The following PDE6B variants were observed in gnomAD, a reference collection of about 807,000 sequenced individuals.
PDE6B encodes phosphodiesterase 6B.
A neutral mutation model predicts 109.0 loss-of-function variants in PDE6B; 106 were observed. The observed-to-expected ratio is 0.97, with a 90% CI of 0.83 to 1.14. The LOEUF is 1.14. PDE6B is among the 50% of genes most tolerant of loss of function. The pLI is 0.00. For synonymous variants in PDE6B, 490 were observed against 471.3 expected, an observed-to-expected ratio of 1.04 and a Z score of -0.51; for missense variants, 1,193 against 1,155.6, an observed-to-expected ratio of 1.03 and a Z score of -0.47.
intron 2 of PDE6B, among the ~76,000 whole-genome samples, chr4:635,240 TGCCTGCCC>T (rs1287488504): frequency 2.8e-5 from 4 of 143,092 alleles, no homozygotes; most frequent in African/African-American, 7.8e-5. Context: ...CCTCCTTACC[TGCCTGCCC>T]GCCTGCCTGC....
intron 3 of PDE6B, among the ~76,000 whole-genome samples, chr4:647,929 G>T (rs1368296736): frequency 6.6e-6 from 1 of 151,890 alleles, no homozygotes; most frequent in Non-Finnish European, 1.5e-5. Context: ...CAAAAAATTA[G>T]CTGGGCGTGG....
chr4:645,530 C>T (rs979943201), intron 3 of PDE6B, among the ~76,000 whole-genome samples: 8 of 151,576 alleles, frequency 5.3e-5, no homozygotes, highest in African/African-American at 9.7e-5. Flanking sequence ...CTCCTGACCT[C>T]GTGATCCGCC....
In PDE6B at chr4:653,343, G is replaced by A. The variant is rs117156341; in HGVS notation, c.712-509G>A. The A allele has an allele frequency of 4.2e-4, 450 of 1,083,254 alleles. 5 individuals carry two copies. The East Asian group carries it at 0.023, about 56-fold the overall frequency. 67.1% of individuals were successfully genotyped at this position (1,083,254 alleles called of 1,614,324 possible). A position where few individuals can be genotyped will look rare whatever the true frequency, so the allele number is the denominator to read the frequency against. ...GGGTGAGTCTGAGCCTGGTGGCAGC[G>A]CTGACCCAGCAACCAGGGGCCTGTG... On this transcript the variant is annotated intron_variant, in intron 3 of 21. Transcript: ENST00000496514.
rs755308738 is a variant in PDE6B, at chr4:658,990, C to A, written c.1440C>A (p.Cys480Ter). 6.2e-7 allele frequency: 1 copy of A among 1,613,266 alleles called. No homozygotes were observed. Among genetic ancestry groups the A allele is most frequent in the East Asian group, 2.2e-5 (1 of 44,888 alleles). Residue 480 changes from cysteine to a stop codon, truncating the protein, a stop_gained, in exon 11 of 22, where the codon TGC becomes TGA. Transcript: ENST00000496514. LOFTEE classifies it high-confidence loss of function. ...GCCTGGGGAAGGAGCCTGCTGACTG[C>A]GATGAGGACGAGCTGGGCGAAATCC... ...RARLGKEPAD[C>*]DEDELGEILK...
chr4:656,526 CT>C (rs1736271957), intron 8 of PDE6B, among the ~76,000 whole-genome samples: 1 of 151,648 alleles, frequency 6.6e-6, no homozygotes, highest in South Asian at 2.1e-4. Flanking sequence ...CCACACACCC[CT>C]GCGAGGCCGT....
At chr4:660,152 C>G (rs1205505176) in intron 11 of PDE6B, among the ~76,000 whole-genome samples, 2 of 152,028 alleles carry the variant, frequency 1.3e-5, no homozygotes, top group African/African-American at 2.4e-5. Flanking sequence ...TCACGTGTGT[C>G]TGTATCCGTG....
At chr4:650,659 A>ACAGGGAGGGGGGCCGG (rs1735460057) in intron 3 of PDE6B, among the ~76,000 whole-genome samples, 1 of 152,084 alleles carries the variant, frequency 6.6e-6, no homozygotes, top group Admixed American at 6.5e-5. Flanking sequence ...ACACCCACAC[A>ACAGGGAGGGGGGCCGG]CAGGGAGGGG....
intron 6 of PDE6B, chr4:655,116 T>C (rs1736063765): frequency 1.7e-6 from 1 of 586,072 alleles, no homozygotes; most frequent in Non-Finnish European, 3.1e-6. Context: ...CGTGGGCTGC[T>C]GAGGAGCCCG....
At chr4:628,793 G>A (rs1734241941) in intron 1 of PDE6B, among the ~76,000 whole-genome samples, 2 of 152,232 alleles carry the variant, frequency 1.3e-5, no homozygotes, top group South Asian at 4.1e-4. Context: ...GGCCACGTGG[G>A]ACCAGCTTCT....
At position 662,511 on chromosome 4, in the gene PDE6B, C is replaced by A. The variant is rs764517248; in HGVS notation, c.1725C>A (p.Thr575=). 2 of 1,606,556 alleles carry A rather than the reference C, an allele frequency of 1.2e-6. No individual in the cohort carries two copies. Among genetic ancestry groups the A allele is most frequent in the Non-Finnish European group, 1.7e-6 (2 of 1,173,966 alleles). ...GCAAGGTGGCCCTGTCTCTACAGAC[C>A]GGCAAACTGAAGAGCTACTACACGG... ...VAQTMFTLLM[T]GKLKSYYTDL... Residue 575 remains threonine (T), a splice_region_variant and synonymous_variant, in exon 14 of 22, where the codon ACC becomes ACA. Transcript: ENST00000496514. This position sits in a 1 kb window ranked among gnomAD's most constrained non-coding sequence, Gnocchi z 4.3.
intron 3 of PDE6B, 142 bp from the exon 4 acceptor site, chr4:653,710 C>G: frequency 1.1e-6 from 1 of 938,650 alleles, no homozygotes. Context: ...CAATCAGGGT[C>G]TGTGCCAGGC....
At chr4:655,818 C>T (rs1335501366) in intron 6 of PDE6B, 122 bp from the exon 7 acceptor site, 1 of 757,214 alleles carries the variant, frequency 1.3e-6, no homozygotes, top group South Asian at 1.4e-5. Flanking sequence ...GACCCCTGCA[C>T]ACACACGTGC....
rs191762576 is a variant in PDE6B, at chr4:644,907, A to G, written c.711+8938A>G. On this transcript the variant is annotated intron_variant, in intron 3 of 21. Transcript: ENST00000496514. ...GTGCTCATTCTGATAGAGGGTACTA[A>G]GTCTCCAACAGTAGTGGAGGATGCG... Among the ~76,000 whole-genome samples the G allele has an allele frequency of 5.6e-4, 85 of 152,192 alleles. No homozygotes were observed. In the East Asian group the frequency reaches 6.4e-3, roughly 11 times the overall value.
intron 3 of PDE6B, among the ~76,000 whole-genome samples, chr4:650,075 G>A (rs555740411): frequency 1.1e-4 from 17 of 152,250 alleles, no homozygotes; most frequent in Admixed American, 8.5e-4. Context: ...AACCATCCCC[G>A]GGGCCTTGTG....
chr4:641,479 G>C (rs1734940707), intron 3 of PDE6B, among the ~76,000 whole-genome samples: 1 of 152,210 alleles, frequency 6.6e-6, no homozygotes, highest in Non-Finnish European at 1.5e-5. Flanking sequence ...CTTCTCCTTG[G>C]TCATGTCCAG....
chr4:656,877 G>A lies in PDE6B; in HGVS notation c.1111G>A (p.Gly371Arg), dbSNP rs1216311106. 6.2e-7 allele frequency: 1 copy of A among 1,612,674 alleles called. No individual in the cohort carries two copies. Among genetic ancestry groups the A allele is most frequent in the Non-Finnish European group, 8.5e-7 (1 of 1,179,946 alleles). The change falls in exon 9 of 22, where the codon GGG (glycine) becomes AGG (arginine). Residue 371 changes from glycine (G) to arginine (R), a missense_variant. By Grantham distance (125) the Gly-to-Arg change is moderately radical. Coordinates refer to ENST00000496514, the MANE Select transcript of PDE6B (RefSeq NM_000283.4). The stretch of plus-strand genomic sequence containing the variant: ...GCTCTGGACACCGCTCCCGCAGGAA[G>A]GGGCCCTGGACGACTCCGGGTGGCT... ...SADEMFKFQE[G>R]ALDDSGWLIK... is the part of the protein sequence containing the mutation.
In PDE6B at chr4:663,721, C is replaced by T. The variant is rs372792592; in HGVS notation, c.1921-49C>T. The T allele has an allele frequency of 2.1e-5, 30 of 1,435,664 alleles. No individual in the cohort carries two copies. The South Asian group carries it at 2.9e-4, about 14-fold the overall frequency. The allele number at this position is 1,435,664 out of a possible 1,614,324, so 88.9% of individuals were successfully genotyped here. On this transcript the variant is annotated intron_variant, in intron 15 of 21. Transcript: ENST00000496514. The surrounding 1 kb of genome is among the most constrained non-coding windows in gnomAD (Gnocchi z 4.0). ...GGAAGGGGCGGGGTCCCCGGGCACCCTGAGAGGTGGCCGCAGGGCGCCTGA... is the reference window on the plus strand; with the variant it reads ...GGAAGGGGCGGGGTCCCCGGGCACCTTGAGAGGTGGCCGCAGGGCGCCTGA...
intron 1 of PDE6B, among the ~76,000 whole-genome samples, chr4:630,779 T>C (rs986988950): frequency 2.0e-5 from 3 of 152,168 alleles, no homozygotes; most frequent in African/African-American, 7.2e-5. Context: ...GAGCTGTTCC[T>C]CTCGGTCCTA....
chr4:632,353 A>G (rs1734427681), intron 1 of PDE6B, among the ~76,000 whole-genome samples: 1 of 151,046 alleles, frequency 6.6e-6, no homozygotes, highest in Admixed American at 6.6e-5. Context: ...ATGTGGATCC[A>G]TGAGGCACCG....
Sources: gnomAD v4.1 joint callset for allele counts (sites outside exome capture counted in the v4.1 genomes callset) on GRCh38, gnomAD v4.1.1 for gene constraint, Gnocchi (gnomAD v3.1) non-coding constraint, MANE v1.5 for transcripts, NCBI Gene and HGNC (gene_info 2026-07-23, HGNC 2026-07-21) for gene names.